NLE1: variants seen among roughly 807,000 people sequenced by gnomAD.
NLE1 encodes the protein notchless protein homolog 1.
Under a neutral mutation model 62.8 loss-of-function variants are expected in NLE1, and 37 were observed. That is an observed-to-expected ratio of 0.59 (90% CI 0.45 to 0.78). The LOEUF (loss-of-function observed/expected upper bound fraction) is 0.78, where lower values mean the gene tolerates loss of function less well. NLE1 is among the 30% of genes least tolerant of loss of function. NLE1 has a pLI of 0.00. For synonymous variants in NLE1, 243 were observed against 253.0 expected (o/e 0.96, Z 0.37); for missense variants, 555 against 637.9 (o/e 0.87, Z 1.40).
At chr17:35,137,949 A>G in intron 4 of NLE1, 59 bp from the exon 5 acceptor site, 1 of 1,323,266 alleles carries the variant, frequency 7.6e-7, no homozygotes, top group East Asian at 2.3e-5. Context: ...CCAAGTGCCC[A>G]GCAGTGCCTG....
chr17:35,138,014 A>T (rs1022975440), intron 4 of NLE1, 124 bp from the exon 5 acceptor site: 3 of 679,158 alleles, frequency 4.4e-6, no homozygotes, highest in Non-Finnish European at 7.5e-6. Flanking sequence ...GAACAAAAGG[A>T]GCGATGAGGC....
chr17:35,137,035 T>C lies in NLE1; in HGVS notation c.794A>G (p.Gln265Arg). 1.2e-6 allele frequency: 2 copies of C among 1,613,342 alleles called. No individual in the cohort carries two copies. The highest frequency in any genetic ancestry group is 2.2e-5 in the South Asian group (2 of 91,028). The change falls in exon 7 of 13, where the codon CAG becomes CGG. Residue 265 changes from glutamine to arginine, a missense_variant. Gln to Arg is a conservative substitution (Grantham distance 43). Transcript: ENST00000442241. ...GGDGLLYSAS[Q>R]DRTIKVWRAH... ...TCTCCAGACTTTGATGGTGCGGTCC[T>C]GGGAGGCAGAGTAGAGAAGCCCGTC...
rs78567830 is a variant in NLE1 at position 35,136,332 on chromosome 17, C to G, written c.964+30G>C. ...TGAGAACTGGCTCCTTCCCAATCAGCCCCCGCTCTTCCTTCTCCCAATCAC... is the reference window on the plus strand; with the variant it reads ...TGAGAACTGGCTCCTTCCCAATCAGGCCCCGCTCTTCCTTCTCCCAATCAC... On this transcript the variant is annotated intron_variant, in intron 8 of 12. Coordinates refer to ENST00000442241, the MANE Select transcript of NLE1 (RefSeq NM_018096.5). The G allele has an allele frequency of 2.7e-3, 4,405 of 1,608,948 alleles. 103 individuals are homozygous for G. In the African/African-American group the frequency reaches 0.052, roughly 19 times the overall value.
rs1018018382 is a variant in NLE1 at position 35,129,950 on chromosome 17, G to T, written c.*2487C>A. On this transcript the variant is annotated 3_prime_UTR_variant, in exon 13 of 13. Coordinates refer to ENST00000442241, the MANE Select transcript of NLE1 (RefSeq NM_018096.5). ...TCTGCAATTCAGTGCCCATGATTGT[G>T]AGTAGGCTGGGAAGTCAAGGGCATT... 9.5e-6 allele frequency: 13 copies of T among 1,373,686 alleles called. No individual in the cohort carries two copies. In the Admixed American group the frequency reaches 2.2e-4, roughly 23 times the overall value. 85.1% of individuals were successfully genotyped at this position (1,373,686 alleles called of 1,614,324 possible). A position where few individuals can be genotyped will look rare whatever the true frequency, so the allele number is the denominator to read the frequency against.
At position 35,131,512 on chromosome 17, in the gene NLE1, T is replaced by C. The variant is rs947995502; in HGVS notation, c.*925A>G. On this transcript the variant is annotated 3_prime_UTR_variant, in exon 13 of 13. Coordinates refer to ENST00000442241, the MANE Select transcript of NLE1 (RefSeq NM_018096.5). ...TCCTGATGGGAATTCCTTTCACTGC[T>C]TGAAAGTTCTCGTGGCAAAGAACTT... The C allele has an allele frequency of 6.6e-5, 10 of 152,242 alleles. No homozygotes were observed. Among genetic ancestry groups the C allele is most frequent in the African/African-American group, 2.4e-4 (10 of 41,450 alleles). The allele number at this position is 152,242 out of a possible 1,614,324, so 9.4% of individuals were successfully genotyped here.
chr17:35,137,513 A>G, intron 6 of NLE1, 30 bp downstream of exon 6: 2 of 1,572,148 alleles, frequency 1.3e-6, no homozygotes, highest in Non-Finnish European at 1.7e-6. Context: ...CCCCTGGCTC[A>G]TTTGTCCCAG....
rs767891515 is a variant in NLE1, at chr17:35,129,527, C to T, written c.*2910G>A. ...GAATGAGTTGCCCGAGGCAAAGAATCGTCCATGGATCTTCAACAAGATTTT... is the reference window on the plus strand; with the variant it reads ...GAATGAGTTGCCCGAGGCAAAGAATTGTCCATGGATCTTCAACAAGATTTT... On this transcript the variant is annotated 3_prime_UTR_variant, in exon 13 of 13. Coordinates refer to ENST00000442241, the MANE Select transcript of NLE1 (RefSeq NM_018096.5). The T allele has an allele frequency of 2.2e-5, 35 of 1,614,060 alleles. No individual in the cohort carries two copies. Among genetic ancestry groups the T allele is most frequent in the African/African-American group, 5.3e-5 (4 of 74,924 alleles).
Position 35,130,261 on chromosome 17 carries a change from G to A in NLE1, c.*2176C>T, listed in dbSNP as rs1431930302. 3.7e-6 allele frequency: 6 copies of A among 1,611,636 alleles called. No homozygotes were observed. In the East Asian group the frequency reaches 1.3e-4, roughly 36 times the overall value. ...TCAGATCTGGGAAGGAACTCTGAAG[G>A]GTTTTCTTGTTTCACTTCAGTTTGC... On this transcript the variant is annotated 3_prime_UTR_variant, in exon 13 of 13. Coordinates refer to ENST00000442241, the MANE Select transcript of NLE1 (RefSeq NM_018096.5).
intron 2 of NLE1, among the ~76,000 whole-genome samples, chr17:35,140,419 G>C (rs1275912977): frequency 6.6e-6 from 1 of 151,626 alleles, no homozygotes; most frequent in Non-Finnish European, 1.5e-5. Flanking sequence ...AGTAGATACG[G>C]GGTTTCGCCA....
chr17:35,130,741 T>C lies in NLE1; in HGVS notation c.*1696A>G. 3.2e-6 allele frequency: 1 copy of C among 316,476 alleles called. No individual in the cohort carries two copies. 19.6% of individuals were successfully genotyped at this position (316,476 alleles called of 1,614,324 possible). A position where few individuals can be genotyped will look rare whatever the true frequency, so the allele number is the denominator to read the frequency against. On this transcript the variant is annotated 3_prime_UTR_variant, in exon 13 of 13. Coordinates refer to ENST00000442241, the MANE Select transcript of NLE1 (RefSeq NM_018096.5). ...CTGCAGGTCATCCAGCACCCTAAAGTCTGCTTTATGCTGCAGACAGCCTCA... is the reference window on the plus strand; with the variant it reads ...CTGCAGGTCATCCAGCACCCTAAAGCCTGCTTTATGCTGCAGACAGCCTCA...
chr17:35,139,394 T>C (rs1253824432), intron 3 of NLE1, 80 bp from the exon 4 acceptor site: 4 of 1,167,902 alleles, frequency 3.4e-6, no homozygotes, highest in Non-Finnish European at 3.9e-6. Flanking sequence ...GAATAGAATA[T>C]GGAACTGGAC....
In NLE1 at chr17:35,130,583, C is replaced by A; in HGVS notation, c.*1854G>T. 1 of 835,406 alleles carries A rather than the reference C, an allele frequency of 1.2e-6. No homozygotes were observed. The allele number at this position is 835,406 out of a possible 1,614,324, so 51.7% of individuals were successfully genotyped here. A position where few individuals can be genotyped will look rare whatever the true frequency, so the allele number is the denominator to read the frequency against. ...TGGGCACCCCACCCCTGGGCTGGGGCCAAGGCTACATAGGGGCCCCATTCA... is the reference window on the plus strand; with the variant it reads ...TGGGCACCCCACCCCTGGGCTGGGGACAAGGCTACATAGGGGCCCCATTCA... On this transcript the variant is annotated 3_prime_UTR_variant, in exon 13 of 13. Coordinates refer to ENST00000442241, the MANE Select transcript of NLE1 (RefSeq NM_018096.5).
intron 3 of NLE1, among the ~76,000 whole-genome samples, chr17:35,139,596 T>G (rs959174832): frequency 2.0e-5 from 3 of 152,226 alleles, no homozygotes; most frequent in Non-Finnish European, 2.9e-5. Context: ...GTTAAGTGAT[T>G]TATACAAGTC....
chr17:35,141,100 G>C (rs945183852), intron 2 of NLE1, among the ~76,000 whole-genome samples: 1 of 152,184 alleles, frequency 6.6e-6, no homozygotes, highest in African/African-American at 2.4e-5. Context: ...CTATATTTGT[G>C]TAAAAAGCTC....
At position 35,131,740 on chromosome 17, in the gene NLE1, T is replaced by C. The variant is rs2091877251; in HGVS notation, c.*697A>G. 1 of 152,328 alleles carries C rather than the reference T, an allele frequency of 6.6e-6. No individual in the cohort carries two copies. Among genetic ancestry groups the C allele is most frequent in the South Asian group, 2.1e-4 (1 of 4,834 alleles). 9.4% of individuals were successfully genotyped at this position (152,328 alleles called of 1,614,324 possible). A position where few individuals can be genotyped will look rare whatever the true frequency, so the allele number is the denominator to read the frequency against. Reference sequence around the variant, plus strand: ...GCAGGGCTGACCAGCAGAACTCTCTTGATGATGAAAACCTTTCTGTGTGCT... The same window carrying C: ...GCAGGGCTGACCAGCAGAACTCTCTCGATGATGAAAACCTTTCTGTGTGCT... On this transcript the variant is annotated 3_prime_UTR_variant, in exon 13 of 13. Coordinates refer to ENST00000442241, the MANE Select transcript of NLE1 (RefSeq NM_018096.5).
intron 4 of NLE1, 26 bp downstream of exon 4, chr17:35,139,209 C>A (rs1356587153): frequency 6.2e-7 from 1 of 1,602,812 alleles, no homozygotes; most frequent in East Asian, 2.2e-5. Flanking sequence ...AAAGAAGACC[C>A]CCTAAATGGC....
At position 35,139,830 on chromosome 17, in the gene NLE1, A is replaced by G; in HGVS notation, c.380+19T>C. The G allele has an allele frequency of 6.2e-7, 1 of 1,607,850 alleles. No homozygotes were observed. The highest frequency in any genetic ancestry group is 8.5e-7 in the Non-Finnish European group (1 of 1,179,308). On this transcript the variant is annotated intron_variant, in intron 3 of 12. Coordinates refer to ENST00000442241, the MANE Select transcript of NLE1 (RefSeq NM_018096.5). ...TGCACCCCCACATACCCCCTCCATGAGTCTGCAGCTGTCCTTACTTTCCCG... is the reference window on the plus strand; with the variant it reads ...TGCACCCCCACATACCCCCTCCATGGGTCTGCAGCTGTCCTTACTTTCCCG...
chr17:35,139,258 T>A lies in NLE1; in HGVS notation c.437A>T (p.Glu146Val). The change falls in exon 4 of 13, where the codon GAG (glutamate) becomes GTG (valine). Residue 146 changes from glutamate (E) to valine (V), a missense_variant. Transcript: ENST00000442241. ...ACCCTTGCATGTGAAATGTGGTGTC[T>A]CTGTGCTGAGATCCCAGAAGCGCAC... ...TTVRFWDLST[E>V]TPHFTCKGHR... 6.2e-7 allele frequency: 1 copy of A among 1,613,978 alleles called. No homozygotes were observed. Among genetic ancestry groups the A allele is most frequent in the East Asian group, 2.2e-5 (1 of 44,884 alleles).
At position 35,135,319 on chromosome 17, in the gene NLE1, G is replaced by T; in HGVS notation, c.1144C>A (p.Pro382Thr). 1 of 1,614,226 alleles carries T rather than the reference G, an allele frequency of 6.2e-7. No individual in the cohort carries two copies. The highest frequency in any genetic ancestry group is 8.5e-7 in the Non-Finnish European group (1 of 1,180,044). ...QALINQVLFS[P>T]DSRIVASASF... Reference sequence around the variant, plus strand: ...GCACTAGCCACGATGCGGGAGTCAGGAGAGAAGAGCACCTGGTTGATGAGA... The same window carrying T: ...GCACTAGCCACGATGCGGGAGTCAGTAGAGAAGAGCACCTGGTTGATGAGA... Residue 382 changes from proline (P) to threonine (T), a missense_variant, in exon 10 of 13, where the codon CCT (proline) becomes ACT (threonine). Physicochemically the swap from Pro to Thr is conservative, Grantham distance 38. Transcript: ENST00000442241.
Sources: gnomAD v4.1 joint callset for allele counts (sites outside exome capture counted in the v4.1 genomes callset) on GRCh38, gnomAD v4.1.1 for gene constraint, MANE v1.5 for transcripts, NCBI Gene and HGNC (gene_info 2026-07-23, HGNC 2026-07-21) for gene names.